Variants in RPH3A observed in about 807,000 individuals in gnomAD.
RPH3A encodes the protein rabphilin 3A.
RPH3A carries 48 observed loss-of-function variants against 102.2 expected under a neutral mutation model. The ratio of observed to expected loss-of-function variants is 0.47; its 90% CI spans 0.37 to 0.60. RPH3A has a LOEUF of 0.60. RPH3A is among the 20% of genes least tolerant of loss of function. The probability of loss-of-function intolerance (pLI) is 0.00; values close to 1 mark genes in which losing one functional copy is unlikely to be tolerated. For missense variants in RPH3A, 781 were observed against 910.1 expected, an observed-to-expected ratio of 0.86 and a Z score of 1.83; for synonymous variants, 310 against 324.3, an observed-to-expected ratio of 0.96 and a Z score of 0.47.
At chr12:112,844,527 G>A (rs990660681) in intron 4 of RPH3A, among the ~76,000 whole-genome samples, 1 of 152,188 alleles carries the variant, frequency 6.6e-6, no homozygotes, top group Middle Eastern at 3.2e-3. Context: ...CTTGATTGCA[G>A]CCTTGTGAAA....
At chr12:112,885,809 A>G (rs1300493303) in intron 16 of RPH3A, among the ~76,000 whole-genome samples, 7 of 152,210 alleles carry the variant, frequency 4.6e-5, no homozygotes, top group Admixed American at 4.6e-4. Flanking sequence ...TTAAATTATT[A>G]TGGACTATAG....
At chr12:112,700,398 C>T (rs2040384970) in intron 1 of RPH3A, among the ~76,000 whole-genome samples, 1 of 152,132 alleles carries the variant, frequency 6.6e-6, no homozygotes, top group South Asian at 2.1e-4. Context: ...TTTTGTCAGA[C>T]CATCTTTACT....
intron 4 of RPH3A, among the ~76,000 whole-genome samples, chr12:112,843,994 A>G (rs989872177): frequency 6.6e-6 from 1 of 152,202 alleles, no homozygotes; most frequent in Non-Finnish European, 1.5e-5. Context: ...AGATCTTCCC[A>G]ACAGCATGGC....
At chr12:112,710,028 G>A (rs1234530719) in intron 1 of RPH3A, among the ~76,000 whole-genome samples, 1 of 152,030 alleles carries the variant, frequency 6.6e-6, no homozygotes, top group Admixed American at 6.5e-5. Context: ...AGGCTAGAGT[G>A]CAGTGGCATG....
intron 1 of RPH3A, among the ~76,000 whole-genome samples, chr12:112,736,033 C>T (rs527639515): frequency 6.6e-6 from 1 of 152,318 alleles, no homozygotes; most frequent in Admixed American, 6.5e-5. Flanking sequence ...GCCTGGAATG[C>T]TTTTCCCCCT....
chr12:112,633,908 C>A (rs922147802), intron 1 of RPH3A, among the ~76,000 whole-genome samples: 6 of 152,176 alleles, frequency 3.9e-5, no homozygotes, highest in Non-Finnish European at 8.8e-5. Context: ...GCTAGACTTG[C>A]AGCACTGCTT....
At chr12:112,887,131 G>A (rs1389897865) in intron 16 of RPH3A, among the ~76,000 whole-genome samples, 2 of 152,166 alleles carry the variant, frequency 1.3e-5, no homozygotes, top group African/African-American at 4.8e-5. Context: ...CTAGTCCATG[G>A]CCAGCAACCC....
chr12:112,885,023 A>C (rs940975445), intron 16 of RPH3A, among the ~76,000 whole-genome samples: 42 of 152,166 alleles, frequency 2.8e-4, no homozygotes, highest in African/African-American at 9.4e-4. Flanking sequence ...ATGTGTATTC[A>C]TCTAAGTTGT....
At chr12:112,739,988 C>A (rs1162576208) in intron 1 of RPH3A, among the ~76,000 whole-genome samples, 1 of 152,160 alleles carries the variant, frequency 6.6e-6, no homozygotes, top group Non-Finnish European at 1.5e-5. Flanking sequence ...TGTTGCTAGT[C>A]TCTGGCTGGC....
At chr12:112,725,077 C>T (rs1009131535) in intron 1 of RPH3A, among the ~76,000 whole-genome samples, 15 of 148,530 alleles carry the variant, frequency 1.0e-4, no homozygotes, top group South Asian at 2.2e-4. Flanking sequence ...GGTGAAACCC[C>T]GTCTCTACTA....
At chr12:112,703,809 G>T (rs1263991538) in intron 1 of RPH3A, among the ~76,000 whole-genome samples, 39 of 152,226 alleles carry the variant, frequency 2.6e-4, no homozygotes, top group Non-Finnish European at 1.0e-4. Context: ...TAGGGAGACA[G>T]ATTTGAGGTT....
At chr12:112,710,739 T>C in intron 1 of RPH3A, among the ~76,000 whole-genome samples, 1 of 152,218 alleles carries the variant, frequency 6.6e-6, no homozygotes, top group East Asian at 1.9e-4. Context: ...AATTACATAT[T>C]ATGTTTCCAC....
chr12:112,595,394 T>C (rs532058733), intron 1 of RPH3A, among the ~76,000 whole-genome samples: 1 of 152,268 alleles, frequency 6.6e-6, no homozygotes, highest in Non-Finnish European at 1.5e-5. Flanking sequence ...AATCAATTAG[T>C]GACTATTTAC....
At chr12:112,795,902 G>A (rs545345417) in intron 2 of RPH3A, among the ~76,000 whole-genome samples, 29 of 152,322 alleles carry the variant, frequency 1.9e-4, no homozygotes, top group African/African-American at 7.0e-4. Flanking sequence ...GTTGGTGATG[G>A]TAACAGTGAA....
intron 1 of RPH3A, among the ~76,000 whole-genome samples, chr12:112,709,549 C>CAAAAA (rs369557001): frequency 3.9e-5 from 5 of 128,324 alleles, no homozygotes; most frequent in African/African-American, 1.2e-4. Context: ...AACCCTGTCT[C>CAAAAA]AAAAAAAAAA....
At chr12:112,718,637 C>T (rs140829940) in intron 1 of RPH3A, among the ~76,000 whole-genome samples, 10 of 152,260 alleles carry the variant, frequency 6.6e-5, no homozygotes, top group African/African-American at 1.7e-4. Flanking sequence ...GGGAGTAGAT[C>T]GTCTACTGGC....
At chr12:112,746,946 T>C (rs1267225380) in intron 1 of RPH3A, among the ~76,000 whole-genome samples, 1 of 152,186 alleles carries the variant, frequency 6.6e-6, no homozygotes, top group African/African-American at 2.4e-5. Context: ...CTCCCAGCCA[T>C]TGCAGGTGTT....
At chr12:112,685,688 G>A (rs920121547) in intron 1 of RPH3A, among the ~76,000 whole-genome samples, 3 of 152,146 alleles carry the variant, frequency 2.0e-5, no homozygotes, top group African/African-American at 4.8e-5. Context: ...GACCCTCAAG[G>A]CATGGTTGTT....
At chr12:112,894,407 T>G (rs146795222) in intron 19 of RPH3A, 171 bp from the exon 20 acceptor site, 29 of 647,778 alleles carry the variant, frequency 4.5e-5, no homozygotes, top group Middle Eastern at 3.2e-4. Flanking sequence ...AGTTGCTCAG[T>G]CAAGTGCCTG....
Sources: gnomAD v4.1 joint callset for allele counts (sites outside exome capture counted in the v4.1 genomes callset) on GRCh38, gnomAD v4.1.1 for gene constraint, MANE v1.5 for transcripts, NCBI Gene and HGNC (gene_info 2026-07-23, HGNC 2026-07-21) for gene names.